Variants in ASPG observed in about 807,000 individuals in gnomAD.
ASPG encodes the protein asparaginase.
In ASPG, 53 loss-of-function variants were observed where a neutral mutation model predicts 63.2. The ratio of observed to expected loss-of-function variants is 0.84; its 90% confidence interval spans 0.67 to 1.05. The LOEUF is 1.05. Among genes scored for constraint, ASPG ranks in the 50% least tolerant of loss-of-function variants. ASPG has a pLI of 0.00. For synonymous variants in ASPG, 370 were observed against 355.0 expected (o/e 1.04, Z -0.48); for missense variants, 741 against 794.4 (o/e 0.93, Z 0.81).
At chr14:104,100,229 T>A (rs1429954750) in intron 6 of ASPG, among the ~76,000 whole-genome samples, 1 of 152,080 alleles carries the variant, frequency 6.6e-6, no homozygotes, top group Non-Finnish European at 1.5e-5. Context: ...GAGGGGGCCC[T>A]GGGAAGGGTC....
rs1357585583 is a variant in ASPG at position 104,091,725 on chromosome 14, G to T, written c.83-908G>T. On this transcript the variant is annotated intron_variant, in intron 1 of 15. Coordinates refer to ENST00000551177, the MANE Select transcript of ASPG (RefSeq NM_001080464.3). This position sits in a 1 kb window ranked among gnomAD's most constrained non-coding sequence, Gnocchi z 6.4. ...GTTAATTTGTGAGCCAGTGATAGGCGATGGGTACAGCTGCAGAGGGCGAGG... is the reference window on the plus strand; with the variant it reads ...GTTAATTTGTGAGCCAGTGATAGGCTATGGGTACAGCTGCAGAGGGCGAGG... Among the ~76,000 whole-genome samples, 2 of 151,690 alleles carry T rather than the reference G, an allele frequency of 1.3e-5. No individual in the cohort carries two copies. The highest frequency in any genetic ancestry group is 1.3e-4 in the Admixed American group (2 of 15,222).
In ASPG at chr14:104,104,651, C is replaced by G. The variant is rs2037038198; in HGVS notation, c.966C>G (p.Gly322=). 1.2e-5 allele frequency: 20 copies of G among 1,610,856 alleles called. No individual in the cohort carries two copies. Among genetic ancestry groups the G allele is most frequent in the Non-Finnish European group, 1.5e-5 (18 of 1,178,814 alleles). The change falls in exon 9 of 16, where the codon GGC becomes GGG. Residue 322 remains glycine, a synonymous_variant. Transcript: ENST00000551177. ...MAMAGAGVIS[G]FDMTSEAALA... ...TGGCGGGAGCCGGCGTCATCTCAGG[C>G]TTCGACATGACATCGGAGGCCGCCC...
At chr14:104,089,229 C>T (rs531010193) in intron 1 of ASPG, among the ~76,000 whole-genome samples, 5 of 152,240 alleles carry the variant, frequency 3.3e-5, no homozygotes. Context: ...ATTGCCCCAG[C>T]TGACTGGGCG....
intron 5 of ASPG, among the ~76,000 whole-genome samples, chr14:104,098,175 T>G (rs2036710077): frequency 6.6e-6 from 1 of 151,434 alleles, no homozygotes; most frequent in Admixed American, 6.5e-5. Flanking sequence ...CGTATGGAGG[T>G]TCTGCGTTAG....
At chr14:104,103,409 C>A (rs915041271) in intron 6 of ASPG, among the ~76,000 whole-genome samples, 154 bp from the exon 7 acceptor site, 1 of 152,230 alleles carries the variant, frequency 6.6e-6, no homozygotes, top group Non-Finnish European at 1.5e-5. Flanking sequence ...GATTTGCCTG[C>A]GGGAGAGGAG....
At chr14:104,102,913 G>A (rs985689315) in intron 6 of ASPG, among the ~76,000 whole-genome samples, 1 of 152,206 alleles carries the variant, frequency 6.6e-6, no homozygotes, top group Non-Finnish European at 1.5e-5. Flanking sequence ...CCCACCCTGG[G>A]TGTGGGGAGG....
At chr14:104,112,479 C>T (rs371253760) in intron 15 of ASPG, 45 bp from the exon 16 acceptor site, 14 of 1,099,124 alleles carry the variant, frequency 1.3e-5, no homozygotes, top group African/African-American at 9.3e-5. Flanking sequence ...GCCCTGCCTT[C>T]GCACTCTACC....
chr14:104,097,944 TGTGTTAGAGATG>T (rs2036680862), intron 5 of ASPG, among the ~76,000 whole-genome samples: 2 of 124,802 alleles, frequency 1.6e-5, no homozygotes, highest in African/African-American at 3.1e-5. Flanking sequence ...ATGGAGGTTC[TGTGTTAGAGATG>T]CGTATGGAGG....
intron 1 of ASPG, among the ~76,000 whole-genome samples, chr14:104,092,010 G>T (rs1334381131): frequency 6.6e-6 from 1 of 152,114 alleles, no homozygotes; most frequent in Non-Finnish European, 1.5e-5. Context: ...GCCCGTCTGT[G>T]CACTTGCTGT....
chr14:104,089,974 A>AAG (rs2036321654), intron 1 of ASPG, among the ~76,000 whole-genome samples: 1 of 138,884 alleles, frequency 7.2e-6, no homozygotes, highest in Admixed American at 7.3e-5. Flanking sequence ...AAAAAAAAAA[A>AAG]GGAAGAAAGG....
intron 5 of ASPG, among the ~76,000 whole-genome samples, chr14:104,098,244 G>C (rs992735194): frequency 3.9e-5 from 6 of 152,190 alleles, no homozygotes; most frequent in African/African-American, 1.4e-4. Flanking sequence ...TTAGAGATAG[G>C]TATGGAAGTT....
In ASPG at chr14:104,093,570, G is replaced by A. The variant is rs767222920; in HGVS notation, c.271G>A (p.Ala91Thr). ...CTTCGACTCCAGTGACATGACCATC[G>A]CTGAGTGGGTTTGCCTTGCCCAGAC... is the stretch of plus-strand genomic sequence containing the variant. ...PLFDSSDMTI[A>T]EWVCLAQTIK... Residue 91 changes from alanine (A) to threonine (T), a missense_variant, in exon 3 of 16, where the codon GCT becomes ACT. By Grantham distance (58) the Ala-to-Thr change is moderately conservative. Transcript: ENST00000551177. 14 of 1,612,118 alleles carry A rather than the reference G, an allele frequency of 8.7e-6. No individual in the cohort carries two copies. Among genetic ancestry groups the A allele is most frequent in the Non-Finnish European group, 1.1e-5 (13 of 1,179,438 alleles).
Position 104,110,043 on chromosome 14 carries a change from C to T in ASPG, c.1520+728C>T. On this transcript the variant is annotated intron_variant, in intron 13 of 15. Coordinates refer to ENST00000551177, the MANE Select transcript of ASPG (RefSeq NM_001080464.3). This position sits in a 1 kb window ranked among gnomAD's most constrained non-coding sequence, Gnocchi z 4.7. ...CAGAATCGCTGCCCCCCACCCCATGCCTTGTGCCTGGTGACTTGGCGCTGC... is the reference window on the plus strand; with the variant it reads ...CAGAATCGCTGCCCCCCACCCCATGTCTTGTGCCTGGTGACTTGGCGCTGC... 1.0e-6 allele frequency: 1 copy of T among 985,412 alleles called. No individual in the cohort carries two copies. The highest frequency in any genetic ancestry group is 1.1e-4 in the East Asian group (1 of 8,806). The allele number at this position is 985,412 out of a possible 1,614,324, so 61.0% of individuals were successfully genotyped here.
chr14:104,100,945 T>G (rs569094591), intron 6 of ASPG, among the ~76,000 whole-genome samples: 107 of 152,260 alleles, frequency 7.0e-4, no homozygotes, highest in African/African-American at 2.6e-3. Flanking sequence ...TGCTGGTGGG[T>G]GGACCCCGCC....
At chr14:104,090,443 C>T (rs976611744) in intron 1 of ASPG, among the ~76,000 whole-genome samples, 6 of 152,372 alleles carry the variant, frequency 3.9e-5, no homozygotes, top group Admixed American at 6.5e-5. Context: ...CTGTGCCGGG[C>T]GGCTGAACAT....
intron 2 of ASPG, chr14:104,093,028 T>A: frequency 2.0e-6 from 1 of 500,806 alleles, no homozygotes; most frequent in African/African-American, 1.9e-5. Context: ...CTAGGGATCC[T>A]GTATATCAGG....
chr14:104,095,404 G>A (rs2036550915), intron 3 of ASPG, 127 bp from the exon 4 acceptor site: 2 of 1,342,878 alleles, frequency 1.5e-6, no homozygotes, highest in Admixed American at 2.0e-5. Flanking sequence ...GGACTTCCAG[G>A]CCAGGGTCCC....
In ASPG at chr14:104,104,751, G is replaced by A. The variant is rs1299398942; in HGVS notation, c.1050+16G>A. The A allele has an allele frequency of 6.4e-7, 1 of 1,574,422 alleles. No individual in the cohort carries two copies. The highest frequency in any genetic ancestry group is 8.7e-7 in the Non-Finnish European group (1 of 1,155,522). ...CAGGAAGGAGGTGCGGGCGCTCTCG[G>A]GCTGTGGGCAACCCTCGGTGTGCAC... On this transcript the variant is annotated intron_variant, in intron 9 of 15. Coordinates refer to ENST00000551177, the MANE Select transcript of ASPG (RefSeq NM_001080464.3).
At chr14:104,089,241 G>C (rs544432759) in intron 1 of ASPG, among the ~76,000 whole-genome samples, 4 of 152,140 alleles carry the variant, frequency 2.6e-5, no homozygotes, top group African/African-American at 9.7e-5. Flanking sequence ...GACTGGGCGC[G>C]GTGGCTCACA....
Sources: allele counts gnomAD v4.1 joint callset (sites outside exome capture counted in the v4.1 genomes callset), GRCh38; gene constraint gnomAD v4.1.1; non-coding constraint Gnocchi (gnomAD v3.1); transcripts MANE v1.5; gene names NCBI Gene and HGNC (gene_info 2026-07-23, HGNC 2026-07-21).